DYM: variants seen among roughly 807,000 people sequenced by gnomAD.
DYM encodes the protein dymeclin, also known as dyggve-Melchior-Clausen syndrome protein.
DYM carries 78 observed loss-of-function variants against 93.1 expected under a neutral mutation model. The observed-to-expected ratio is 0.84, with a 90% confidence interval of 0.70 to 1.01. The LOEUF (loss-of-function observed/expected upper bound fraction) is 1.01, where lower values mean the gene tolerates loss of function less well. Among genes scored for constraint, DYM ranks in the 50% least tolerant of loss-of-function variants. DYM has a pLI of 0.00. For missense variants in DYM, 789 were observed against 845.0 expected (o/e 0.93, Z 0.82); for synonymous variants, 321 against 319.7 (o/e 1.00, Z -0.04).
Position 49,361,425 on chromosome 18 carries a change from A to G in DYM, c.494+1736T>C, listed in dbSNP as rs184586777. Among the ~76,000 whole-genome samples the G allele has an allele frequency of 3.2e-3, 480 of 152,348 alleles. 5 individuals carry two copies. The highest frequency in any genetic ancestry group is 4.1e-3 in the Non-Finnish European group (279 of 68,020). On this transcript the variant is annotated intron_variant, in intron 6 of 17. Coordinates refer to ENST00000675505, the MANE Select transcript of DYM (RefSeq NM_001353214.3). ...ATAGACAAATAGCACATTTCCAATT[A>G]TATCTCCATGTAGACTGAGATTCTG...
At chr18:49,319,282 A>C (rs1383308477) in intron 8 of DYM, among the ~76,000 whole-genome samples, 4 of 152,200 alleles carry the variant, frequency 2.6e-5, no homozygotes, top group Non-Finnish European at 5.9e-5. Context: ...TGTCCTGAAA[A>C]ATGTTAATAG....
At position 49,391,617 on chromosome 18, in the gene DYM, T is replaced by G; in HGVS notation, c.169A>C (p.Thr57Pro). The change falls in exon 3 of 18, where the codon ACC becomes CCC. Residue 57 changes from threonine to proline, a missense_variant. By Grantham distance (38) the Thr-to-Pro change is conservative. Coordinates refer to ENST00000675505, the MANE Select transcript of DYM (RefSeq NM_001353214.3). ...CCTAATGACCTGCAGACTGAAATGG[T>G]TGCTTCCTCCAAGAGTTTCAACTCA... ...SSELKLLEEA[T>P]ISVCRSLVEN... 1 of 1,613,608 alleles carries G rather than the reference T, an allele frequency of 6.2e-7. No individual in the cohort carries two copies. Among genetic ancestry groups the G allele is most frequent in the Non-Finnish European group, 8.5e-7 (1 of 1,179,656 alleles).
intron 17 of DYM, among the ~76,000 whole-genome samples, chr18:49,051,307 G>A (rs993549685): frequency 2.2e-4 from 34 of 152,196 alleles, no homozygotes; most frequent in African/African-American, 6.5e-4. Context: ...CCCAGGCTGG[G>A]GACAGGAGGC....
intron 1 of DYM, among the ~76,000 whole-genome samples, chr18:49,431,065 T>C (rs888530771): frequency 6.6e-6 from 1 of 152,138 alleles, no homozygotes. Context: ...ATGAAGCTGT[T>C]TTACAACCAA....
intron 16 of DYM, among the ~76,000 whole-genome samples, chr18:49,111,904 C>T (rs1963657558): frequency 6.6e-6 from 1 of 152,168 alleles, no homozygotes; most frequent in Non-Finnish European, 1.5e-5. Flanking sequence ...TCTTCCCTTT[C>T]TTCCGATGGC....
chr18:49,160,509 A>T (rs2086969317), intron 15 of DYM, among the ~76,000 whole-genome samples: 1 of 149,964 alleles, frequency 6.7e-6, no homozygotes, highest in Non-Finnish European at 1.5e-5. Context: ...TTAAGTACTT[A>T]TTCAAACTCT....
intron 14 of DYM, among the ~76,000 whole-genome samples, chr18:49,179,141 G>C (rs187294289): frequency 6.6e-6 from 1 of 152,128 alleles, no homozygotes; most frequent in East Asian, 1.9e-4. Context: ...GAACAACTCT[G>C]GTCTTTTGAC....
intron 10 of DYM, among the ~76,000 whole-genome samples, chr18:49,277,646 C>A (rs1474992262): frequency 6.6e-6 from 1 of 152,166 alleles, no homozygotes; most frequent in Non-Finnish European, 1.5e-5. Context: ...CTGCTCACTG[C>A]CATGTGAGAA....
rs565780131 is a variant in DYM at position 49,418,889 on chromosome 18, T to G, written c.140+11366A>C. Reference sequence around the variant, plus strand: ...CAAAGAGAAAGTGACAGACCAAAAGTATATGCAACACCACAAATGAAACCT... The same window carrying G: ...CAAAGAGAAAGTGACAGACCAAAAGGATATGCAACACCACAAATGAAACCT... On this transcript the variant is annotated intron_variant, in intron 2 of 17. Coordinates refer to ENST00000675505, the MANE Select transcript of DYM (RefSeq NM_001353214.3). 1.8e-4 allele frequency among the ~76,000 whole-genome samples: 27 copies of G among 152,040 alleles called. 1 individual carries two copies. The South Asian group carries it at 5.4e-3, about 30-fold the overall frequency.
chr18:49,148,220 C>A (rs1296046605), intron 15 of DYM, among the ~76,000 whole-genome samples: 1 of 152,032 alleles, frequency 6.6e-6, no homozygotes, highest in Non-Finnish European at 1.5e-5. Flanking sequence ...GGAGGGACAG[C>A]ATTAGGGATA....
At chr18:49,132,086 C>A (rs1032379449) in intron 15 of DYM, among the ~76,000 whole-genome samples, 1 of 151,934 alleles carries the variant, frequency 6.6e-6, no homozygotes, top group Non-Finnish European at 1.5e-5. Context: ...TTAGATTATA[C>A]CTAGGAAATA....
At chr18:49,198,268 C>T (rs959089739) in intron 14 of DYM, among the ~76,000 whole-genome samples, 2 of 152,034 alleles carry the variant, frequency 1.3e-5, no homozygotes, top group Non-Finnish European at 2.9e-5. Flanking sequence ...GACCTAAAAC[C>T]ATAAAAACCC....
chr18:49,086,358 C>T (rs775540996), intron 17 of DYM, among the ~76,000 whole-genome samples: 1 of 152,164 alleles, frequency 6.6e-6, no homozygotes, highest in Non-Finnish European at 1.5e-5. Flanking sequence ...TATAAAGCCA[C>T]AAGTCCCCCT....
chr18:49,197,550 C>T (rs2091580199), intron 14 of DYM, among the ~76,000 whole-genome samples: 1 of 151,752 alleles, frequency 6.6e-6, no homozygotes, highest in African/African-American at 2.4e-5. Context: ...AAACCCCAAA[C>T]CAGAAACATA....
At chr18:49,273,821 T>C (rs1568148749) in intron 10 of DYM, among the ~76,000 whole-genome samples, 1 of 151,856 alleles carries the variant, frequency 6.6e-6, no homozygotes, top group East Asian at 1.9e-4. Context: ...TATGCCTTTT[T>C]TTTTTTTTTT....
chr18:49,441,720 T>C (rs2081643709), intron 1 of DYM, among the ~76,000 whole-genome samples: 1 of 151,998 alleles, frequency 6.6e-6, no homozygotes, highest in Non-Finnish European at 1.5e-5. Flanking sequence ...AAGGAGTTCC[T>C]GCCAAGGGGG....
chr18:49,183,085 T>G (rs1156510003), intron 14 of DYM, among the ~76,000 whole-genome samples: 2 of 152,066 alleles, frequency 1.3e-5, no homozygotes, highest in East Asian at 1.9e-4. Context: ...TGATTGCACA[T>G]TTTTTTTCCA....
chr18:49,159,064 A>G (rs1251583817), intron 15 of DYM, among the ~76,000 whole-genome samples: 1 of 152,228 alleles, frequency 6.6e-6, no homozygotes, highest in Non-Finnish European at 1.5e-5. Context: ...TAATACCATT[A>G]TATACAAACA....
chr18:49,414,795 C>T (rs1337374523), intron 2 of DYM, among the ~76,000 whole-genome samples: 1 of 152,152 alleles, frequency 6.6e-6, no homozygotes, highest in East Asian at 1.9e-4. Flanking sequence ...GCTTTTCTTC[C>T]TTACACTTGA....
Sources: allele counts gnomAD v4.1 joint callset (sites outside exome capture counted in the v4.1 genomes callset), GRCh38; gene constraint gnomAD v4.1.1; transcripts MANE v1.5; gene names NCBI Gene and HGNC (gene_info 2026-07-23, HGNC 2026-07-21).